The following ATF7IP variants were observed in gnomAD, a reference collection of about 807,000 sequenced individuals.
The protein encoded by ATF7IP is activating transcription factor 7-interacting protein 1.
Under a neutral mutation model 106.4 loss-of-function variants are expected in ATF7IP, and 23 were observed. The ratio of observed to expected loss-of-function variants is 0.22; its 90% CI spans 0.16 to 0.31. The LOEUF (loss-of-function observed/expected upper bound fraction) is 0.31, where lower values mean the gene tolerates loss of function less well. Among genes scored for constraint, ATF7IP ranks in the 10% least tolerant of loss-of-function variants. The probability of loss-of-function intolerance (pLI) is 1.00; values close to 1 mark genes in which losing one functional copy is unlikely to be tolerated. For missense variants in ATF7IP, 1,334 were observed against 1,524.3 expected (o/e 0.88, Z 2.08); for synonymous variants, 542 against 539.0 (o/e 1.01, Z -0.08).
At chr12:14,444,030 G>GCTCTTAAA (rs1565517032) in intron 5 of ATF7IP, among the ~76,000 whole-genome samples, 1 of 152,122 alleles carries the variant, frequency 6.6e-6, no homozygotes, top group Non-Finnish European at 1.5e-5. Flanking sequence ...TTAGTACTAT[G>GCTCTTAAA]CTCTTAAATA....
chr12:14,478,250 T>C, intron 11 of ATF7IP, 67 bp from the exon 12 acceptor site: 11 of 1,502,636 alleles, frequency 7.3e-6, no homozygotes, highest in East Asian at 2.3e-5. Flanking sequence ...AATTTGTCCA[T>C]AGAGGAAAGA....
chr12:14,463,812 G>A (rs1032328552), intron 9 of ATF7IP, among the ~76,000 whole-genome samples: 11 of 152,084 alleles, frequency 7.2e-5, no homozygotes, highest in Non-Finnish European at 1.6e-4. Flanking sequence ...AGGTAGCATT[G>A]GCAGTACTTG....
intron 1 of ATF7IP, among the ~76,000 whole-genome samples, chr12:14,379,384 A>G (rs904991495): frequency 6.6e-6 from 1 of 152,302 alleles, no homozygotes; most frequent in East Asian, 1.9e-4. Flanking sequence ...AGCCAATTAA[A>G]CTTCTTAATA....
intron 1 of ATF7IP, among the ~76,000 whole-genome samples, chr12:14,402,127 C>CTTTT (rs11297116): frequency 2.6e-4 from 26 of 101,844 alleles, no homozygotes; most frequent in East Asian, 5.4e-4. Context: ...TTTCTTCTTT[C>CTTTT]TTTTTTTTTT....
intron 11 of ATF7IP, 43 bp from the exon 12 acceptor site, chr12:14,478,274 A>C: frequency 2.5e-6 from 4 of 1,595,852 alleles, no homozygotes; most frequent in Non-Finnish European, 3.4e-6. Context: ...GTATTTCCTG[A>C]TTTTTTTCTT....
At chr12:14,413,137 G>T (rs1301989910) in intron 1 of ATF7IP, among the ~76,000 whole-genome samples, 3 of 152,170 alleles carry the variant, frequency 2.0e-5, no homozygotes, top group Non-Finnish European at 4.4e-5. Flanking sequence ...CTGATCTTAG[G>T]GTGAAAGATT....
At chr12:14,403,122 AGG>A (rs1322518087) in intron 1 of ATF7IP, among the ~76,000 whole-genome samples, 2 of 152,138 alleles carry the variant, frequency 1.3e-5, no homozygotes, top group African/African-American at 4.8e-5. Flanking sequence ...TATCAGCTAA[AGG>A]AATGATTTTT....
At chr12:14,496,066 T>C (rs1396014771) in intron 13 of ATF7IP, among the ~76,000 whole-genome samples, 165 bp from the exon 14 acceptor site, 1 of 152,224 alleles carries the variant, frequency 6.6e-6, no homozygotes, top group Non-Finnish European at 1.5e-5. Flanking sequence ...ATCCACAGGC[T>C]GATTGATAGC....
chr12:14,386,608 T>A (rs1022153170), intron 1 of ATF7IP, among the ~76,000 whole-genome samples: 1 of 152,116 alleles, frequency 6.6e-6, no homozygotes, highest in Admixed American at 6.5e-5. Context: ...CTGCAAGGCT[T>A]AAGAAACAAA....
At chr12:14,372,273 G>T (rs2136394698) in intron 1 of ATF7IP, among the ~76,000 whole-genome samples, 1 of 152,196 alleles carries the variant, frequency 6.6e-6, no homozygotes, top group Non-Finnish European at 1.5e-5. Context: ...AGATGATTCA[G>T]CTTGCATGGT....
At chr12:14,496,423 A>C in intron 14 of ATF7IP, 80 bp downstream of exon 14, 1 of 908,158 alleles carries the variant, frequency 1.1e-6, no homozygotes, top group East Asian at 2.7e-5. Flanking sequence ...TTTTCTTTAA[A>C]ATGGTTATAT....
intron 1 of ATF7IP, among the ~76,000 whole-genome samples, chr12:14,401,514 A>G (rs771666414): frequency 1.3e-5 from 2 of 150,286 alleles, no homozygotes; most frequent in Non-Finnish European, 3.0e-5. Context: ...CTTGTTTGTG[A>G]TGCTTCTCTG....
intron 1 of ATF7IP, among the ~76,000 whole-genome samples, chr12:14,401,412 G>C (rs909977464): frequency 6.6e-6 from 1 of 152,170 alleles, no homozygotes; most frequent in African/African-American, 2.4e-5. Flanking sequence ...GGCCAGGCAG[G>C]TCTTAAACTC....
At chr12:14,377,903 CAGGCATAA>C in intron 1 of ATF7IP, among the ~76,000 whole-genome samples, 1 of 152,104 alleles carries the variant, frequency 6.6e-6, no homozygotes, top group Non-Finnish European at 1.5e-5. Context: ...GCTGGGATTA[CAGGCATAA>C]GCCACCGTGC....
rs781137836 is a variant in ATF7IP, at chr12:14,424,375, T to C, written c.460T>C (p.Ser154Pro). ...CTCCGGAGTACTGGCCTCTGGTGAT[T>C]CCACCTCTGGTGATCCCACCTCTAG... ...PASGVLASGD[S>P]TSGDPTSSEP... The change falls in exon 2 of 15, where the codon TCC becomes CCC. Residue 154 changes from serine to proline, a missense_variant. By Grantham distance (74) the Ser-to-Pro change is moderately conservative. Around this residue, in one of 10 missense-constraint regions of ATF7IP, gnomAD observed 438 missense variants for 405.3 expected, o/e 1.08. Coordinates refer to ENST00000261168, the MANE Select transcript of ATF7IP (RefSeq NM_018179.5). The C allele has an allele frequency of 9.9e-6, 16 of 1,612,630 alleles. No homozygotes were observed. In the African/African-American group the frequency reaches 2.0e-4, roughly 20 times the overall value.
intron 11 of ATF7IP, among the ~76,000 whole-genome samples, chr12:14,477,996 A>G (rs1178539444): frequency 2.0e-5 from 3 of 152,184 alleles, no homozygotes; most frequent in South Asian, 2.1e-4. Flanking sequence ...TGTTCTTCCT[A>G]TAGGTAGGTA....
At chr12:14,423,510 A>G (rs1394008334) in intron 1 of ATF7IP, among the ~76,000 whole-genome samples, 4 of 132,878 alleles carry the variant, frequency 3.0e-5, no homozygotes, top group Admixed American at 3.0e-4. Flanking sequence ...CTTTATCTCT[A>G]TACCTGTTAT....
intron 6 of ATF7IP, among the ~76,000 whole-genome samples, chr12:14,450,486 C>T (rs1943160979): frequency 6.6e-6 from 1 of 152,150 alleles, no homozygotes; most frequent in Admixed American, 6.5e-5. Context: ...TATATCTTGA[C>T]CTATCCTTGC....
chr12:14,409,159 T>C (rs2136491651), intron 1 of ATF7IP, among the ~76,000 whole-genome samples: 1 of 151,902 alleles, frequency 6.6e-6, no homozygotes, highest in South Asian at 2.1e-4. Flanking sequence ...AATGTCAAAG[T>C]GTTCCATTAA....
Sources: gnomAD v4.1 joint callset for allele counts (sites outside exome capture counted in the v4.1 genomes callset) on GRCh38, gnomAD v4.1.1 for gene constraint, gnomAD v4.1.1 regional missense constraint, MANE v1.5 for transcripts, NCBI Gene and HGNC (gene_info 2026-07-23, HGNC 2026-07-21) for gene names.